TBX15: variants seen among roughly 807,000 people sequenced by gnomAD.
TBX15 encodes the protein T-box transcription factor 15, also known as T-box transcription factor TBX15.
Under a neutral mutation model 53.9 loss-of-function variants are expected in TBX15, and 18 were observed. The observed-to-expected ratio is 0.33, with a 90% CI of 0.23 to 0.49. The LOEUF is 0.49. Among genes scored for constraint, TBX15 ranks in the 20% least tolerant of loss-of-function variants. The pLI, the probability that TBX15 is intolerant of heterozygous loss-of-function variation, is 0.98. For synonymous variants in TBX15, 295 were observed against 278.0 expected, an observed-to-expected ratio of 1.06 and a Z score of -0.61; for missense variants, 692 against 749.5, an observed-to-expected ratio of 0.92 and a Z score of 0.90.
At chr1:118,899,383 A>G (rs889069664) in intron 6 of TBX15, among the ~76,000 whole-genome samples, 1 of 152,178 alleles carries the variant, frequency 6.6e-6, no homozygotes, top group African/African-American at 2.4e-5. Context: ...CCTCCTTTAA[A>G]TGAGGCTAGG....
chr1:118,926,693 T>G (rs771467495), intron 2 of TBX15, 82 bp from the exon 3 acceptor site: 139 of 1,208,092 alleles, frequency 1.2e-4, no homozygotes, highest in Non-Finnish European at 1.6e-4. Flanking sequence ...ATGTGGGTTT[T>G]TTTGTTTGTT....
At chr1:118,960,121 C>G (rs896118344) in intron 1 of TBX15, among the ~76,000 whole-genome samples, 4 of 151,556 alleles carry the variant, frequency 2.6e-5, no homozygotes, top group Non-Finnish European at 2.9e-5. Context: ...AGAAGAATGT[C>G]TGGCAGGAGC....
At chr1:118,915,816 T>C (rs1180954172) in intron 5 of TBX15, among the ~76,000 whole-genome samples, 3 of 152,214 alleles carry the variant, frequency 2.0e-5, no homozygotes, top group Non-Finnish European at 2.9e-5. Context: ...TGTGATACCA[T>C]GTTTTGGGGG....
rs547659012 is a variant in TBX15 at position 118,884,205 on chromosome 1, C to T, written c.*527G>A. The T allele has an allele frequency of 1.9e-5, 3 of 158,434 alleles. No individual in the cohort carries two copies. The highest frequency in any genetic ancestry group is 7.2e-5 in the African/African-American group (3 of 41,584). 9.8% of individuals were successfully genotyped at this position (158,434 alleles called of 1,614,324 possible). A position where few individuals can be genotyped will look rare whatever the true frequency, so the allele number is the denominator to read the frequency against. The stretch of plus-strand genomic sequence containing the variant: ...ACTGGCAGCTACTGCTGGCCCACTC[C>T]ATCTAGAGTTGTACACAGACAAATT... On this transcript the variant is annotated 3_prime_UTR_variant, in exon 8 of 8. Coordinates refer to ENST00000369429, the MANE Select transcript of TBX15 (RefSeq NM_001330677.2).
chr1:118,913,233 A>C (rs759288835), intron 6 of TBX15, among the ~76,000 whole-genome samples: 4 of 63,076 alleles, frequency 6.3e-5, no homozygotes, highest in African/African-American at 2.6e-4. Context: ...CTCAAACTAT[A>C]AAAAAAAAAA....
chr1:118,917,152 A>T (rs1348078919), intron 5 of TBX15, among the ~76,000 whole-genome samples: 1 of 152,232 alleles, frequency 6.6e-6, no homozygotes, highest in Admixed American at 6.5e-5. Flanking sequence ...ACAATAACAA[A>T]GACGTGGAAT....
At chr1:118,944,862 A>T (rs1422574804) in intron 1 of TBX15, among the ~76,000 whole-genome samples, 3 of 152,178 alleles carry the variant, frequency 2.0e-5, no homozygotes, top group African/African-American at 7.2e-5. Context: ...CAGTGACAGG[A>T]GATTTCCTGA....
intron 1 of TBX15, among the ~76,000 whole-genome samples, chr1:118,952,997 G>A (rs1278969679): frequency 3.3e-5 from 5 of 152,032 alleles, no homozygotes; most frequent in Non-Finnish European, 7.4e-5. Flanking sequence ...AAAGATGGCT[G>A]GAGGAAAGAG....
At chr1:118,987,510 A>G (rs961470) in intron 1 of TBX15, 81 bp downstream of exon 1, 73,569 of 1,459,912 alleles carry the variant, frequency 0.05, 2,461 homozygotes, top group East Asian at 0.18. Context: ...GGCAGGGCCT[A>G]GCTCCTCACC....
At chr1:118,926,108 C>T (rs566371147) in intron 3 of TBX15, among the ~76,000 whole-genome samples, 17 of 152,130 alleles carry the variant, frequency 1.1e-4, no homozygotes, top group East Asian at 1.9e-4. Context: ...ATCTATGGGG[C>T]GATCCATCAA....
intron 6 of TBX15, among the ~76,000 whole-genome samples, chr1:118,910,883 T>A (rs993372799): frequency 4.6e-5 from 7 of 152,266 alleles, no homozygotes; most frequent in Admixed American, 2.0e-4. Flanking sequence ...TACATGGGGA[T>A]AGAAAGTTGA....
At chr1:118,989,311 G>A (rs1657959722), upstream of TBX15, 5 of 152,194 alleles carry the variant, frequency 3.3e-5, no homozygotes, top group Admixed American at 3.3e-4. Flanking sequence ...GATTTCTAAG[G>A]AATTAAAAAA....
chr1:118,905,213 C>T (rs576515817), intron 6 of TBX15, among the ~76,000 whole-genome samples: 9 of 152,258 alleles, frequency 5.9e-5, no homozygotes, highest in African/African-American at 1.9e-4. Flanking sequence ...TTCCATTTTT[C>T]GTTGTCTTCT....
chr1:118,980,744 C>T (rs1657619398), intron 1 of TBX15, among the ~76,000 whole-genome samples: 1 of 152,062 alleles, frequency 6.6e-6, no homozygotes, highest in Non-Finnish European at 1.5e-5. Context: ...AAATTAAATG[C>T]CAAATTTAGT....
chr1:118,936,965 G>T (rs929100849), intron 1 of TBX15, among the ~76,000 whole-genome samples: 3 of 152,120 alleles, frequency 2.0e-5, no homozygotes, highest in African/African-American at 7.2e-5. Flanking sequence ...CTCACAATTT[G>T]GTAGAAAGGA....
intron 6 of TBX15, among the ~76,000 whole-genome samples, chr1:118,905,911 A>T (rs1571161698): frequency 6.6e-6 from 1 of 152,346 alleles, no homozygotes; most frequent in East Asian, 1.9e-4. Flanking sequence ...GTGGACAAAG[A>T]TACAATTTCT....
At chr1:118,897,781 A>G (rs1571154642) in intron 7 of TBX15, among the ~76,000 whole-genome samples, 2 of 152,024 alleles carry the variant, frequency 1.3e-5, no homozygotes, top group African/African-American at 4.8e-5. Flanking sequence ...ATAACTATTG[A>G]CTCTGCTTCT....
intron 6 of TBX15, among the ~76,000 whole-genome samples, chr1:118,900,944 A>G (rs891968416): frequency 6.6e-6 from 1 of 152,136 alleles, no homozygotes; most frequent in Admixed American, 6.6e-5. Flanking sequence ...CTCCTAGTTC[A>G]TTCTTCCCAG....
At chr1:118,889,315 A>G (rs1336062046) in intron 7 of TBX15, among the ~76,000 whole-genome samples, 2 of 152,218 alleles carry the variant, frequency 1.3e-5, no homozygotes, top group East Asian at 3.8e-4. Context: ...GTCGAATGTT[A>G]AACAAGATTG....
Sources: allele counts gnomAD v4.1 joint callset (sites outside exome capture counted in the v4.1 genomes callset), GRCh38; gene constraint gnomAD v4.1.1; transcripts MANE v1.5; gene names NCBI Gene and HGNC (gene_info 2026-07-23, HGNC 2026-07-21).